The following FBLIM1 variants were observed in gnomAD, a reference collection of about 807,000 sequenced individuals.
FBLIM1 encodes filamin binding LIM protein 1.
A neutral mutation model predicts 37.4 loss-of-function variants in FBLIM1; 29 were observed. That is an observed-to-expected ratio of 0.77 (90% CI 0.58 to 1.06). FBLIM1 has a LOEUF of 1.06. FBLIM1 is among the 50% of genes least tolerant of loss of function. FBLIM1 has a pLI of 0.00. For synonymous variants in FBLIM1, 193 were observed against 199.0 expected (o/e 0.97, Z 0.25); for missense variants, 449 against 505.6 (o/e 0.89, Z 1.07).
intron 1 of FBLIM1, among the ~76,000 whole-genome samples, chr1:15,763,023 C>G (rs901770385): frequency 6.6e-6 from 1 of 151,810 alleles, no homozygotes; most frequent in Non-Finnish European, 1.5e-5. Context: ...GAGGCTGAGG[C>G]TGCCGCAGTT....
chr1:15,762,636 A>T (rs2068728645), intron 1 of FBLIM1, among the ~76,000 whole-genome samples: 1 of 152,186 alleles, frequency 6.6e-6, no homozygotes, highest in Non-Finnish European at 1.5e-5. Flanking sequence ...ACCTCAAGTG[A>T]TCGCCTACCT....
At chr1:15,784,405 G>A (rs971092832) in intron 8 of FBLIM1, 143 bp from the exon 9 acceptor site, 22 of 608,600 alleles carry the variant, frequency 3.6e-5, no homozygotes, top group African/African-American at 9.1e-5. Flanking sequence ...TGGGAGGGCA[G>A]CAGTGAGCAG....
At chr1:15,762,037 C>T (rs2068694378) in intron 1 of FBLIM1, among the ~76,000 whole-genome samples, 1 of 151,930 alleles carries the variant, frequency 6.6e-6, no homozygotes, top group African/African-American at 2.4e-5. Context: ...AAATAATGTC[C>T]TTTTCCTGAC....
At chr1:15,774,952 C>G in intron 7 of FBLIM1, 156 bp downstream of exon 7, 1 of 1,497,628 alleles carries the variant, frequency 6.7e-7, no homozygotes, top group Non-Finnish European at 9.0e-7. Context: ...GGCGCGGTGG[C>G]TCACGCCTGT....
intron 1 of FBLIM1, among the ~76,000 whole-genome samples, 164 bp from the exon 2 acceptor site, chr1:15,764,332 T>G (rs938568226): frequency 9.2e-5 from 14 of 152,208 alleles, no homozygotes; most frequent in Non-Finnish European, 5.9e-5. Flanking sequence ...TATGAGTTAA[T>G]GAGCATAACG....
intron 8 of FBLIM1, among the ~76,000 whole-genome samples, chr1:15,783,446 G>C (rs1006556080): frequency 5.3e-5 from 8 of 151,892 alleles, no homozygotes; most frequent in Non-Finnish European, 1.2e-4. Context: ...CTGGACCTTG[G>C]TATCCCACCT....
Position 15,767,454 on chromosome 1 carries a change from C to T in FBLIM1, c.329C>T (p.Pro110Leu), listed in dbSNP as rs1313266242. ...GACCTCCTCCCACCCCCTCCACCGCCCCCTCCAGTGCTTCTGCCTTCTGAA... is the reference window on the plus strand; with the variant it reads ...GACCTCCTCCCACCCCCTCCACCGCTCCCTCCAGTGCTTCTGCCTTCTGAA... ...DLDLLPPPPP[P>L]PPVLLPSEEE... Residue 110 changes from proline to leucine, a missense_variant, in exon 4 of 9, where the codon CCC becomes CTC. Physicochemically the swap from Pro to Leu is moderately conservative, Grantham distance 98 (BLOSUM62 -3). Transcript: ENST00000375766. The T allele has an allele frequency of 6.3e-7, 1 of 1,575,306 alleles. No individual in the cohort carries two copies. Among genetic ancestry groups the T allele is most frequent in the Middle Eastern group, 1.9e-4 (1 of 5,312 alleles).
Position 15,784,687 on chromosome 1 carries a change from C to T in FBLIM1, c.*26C>T, listed in dbSNP as rs769671656. ...GAGTGCCCGCTGGGCAGTGAACAGA[C>T]CACTAGCCCCGGCTGGGGCCCTTCC... is the stretch of plus-strand genomic sequence containing the variant. On this transcript the variant is annotated 3_prime_UTR_variant, in exon 9 of 9. Coordinates refer to ENST00000375766, the MANE Select transcript of FBLIM1 (RefSeq NM_017556.4). 5.6e-6 allele frequency: 9 copies of T among 1,596,100 alleles called. No homozygotes were observed. The highest frequency in any genetic ancestry group is 3.3e-5 in the South Asian group (3 of 90,548).
chr1:15,769,323 G>A (rs184356892), intron 5 of FBLIM1, among the ~76,000 whole-genome samples: 4 of 151,768 alleles, frequency 2.6e-5, no homozygotes, highest in African/African-American at 9.7e-5. Context: ...CTAAAAATAC[G>A]AAAGTTAGCT....
Position 15,767,544 on chromosome 1 carries a change from C to G in FBLIM1, c.419C>G (p.Pro140Arg), listed in dbSNP as rs777064689. 2.2e-6 allele frequency: 3 copies of G among 1,349,362 alleles called. No homozygotes were observed. Among genetic ancestry groups the G allele is most frequent in the Non-Finnish European group, 3.0e-6 (3 of 1,011,348 alleles). 83.6% of individuals were successfully genotyped at this position (1,349,362 alleles called of 1,614,324 possible). ...GACTTAGAGCAGCTGCACCTGTCCC[C>G]GCCCCCGCCCCCACCACAGGTACTG... ...IADLEQLHLS[P>R]PPPPPQAPAE... Residue 140 changes from proline (P) to arginine (R), a missense_variant, in exon 4 of 9, where the codon CCG (proline) becomes CGG (arginine). By Grantham distance (103) the Pro-to-Arg change is moderately radical. Transcript: ENST00000375766.
In FBLIM1 at chr1:15,774,698, C is replaced by T; in HGVS notation, c.792C>T (p.Pro264=). 6.2e-7 allele frequency: 1 copy of T among 1,614,128 alleles called. No homozygotes were observed. The highest frequency in any genetic ancestry group is 1.1e-5 in the South Asian group (1 of 91,080). ...IIRALGQAFH[P]SCFTCVTCAR... ...GGGCCCTGGGCCAGGCCTTCCACCCCTCCTGCTTCACGTGTGTGACCTGCG... is the reference window on the plus strand; with the variant it reads ...GGGCCCTGGGCCAGGCCTTCCACCCTTCCTGCTTCACGTGTGTGACCTGCG... Residue 264 remains proline, a synonymous_variant, in exon 7 of 9, where the codon CCC becomes CCT. Coordinates refer to ENST00000375766, the MANE Select transcript of FBLIM1 (RefSeq NM_017556.4).
chr1:15,767,857 T>G (rs2069002719), intron 4 of FBLIM1, among the ~76,000 whole-genome samples: 1 of 152,138 alleles, frequency 6.6e-6, no homozygotes, highest in African/African-American at 2.4e-5. Flanking sequence ...CTAAATCCCT[T>G]AGGCTGCATA....
intron 8 of FBLIM1, among the ~76,000 whole-genome samples, chr1:15,777,761 CAG>C (rs935882188): frequency 1.3e-4 from 20 of 151,968 alleles, no homozygotes; most frequent in Non-Finnish European, 5.9e-5. Context: ...TTAGTAGAGA[CAG>C]GGTTTCACCA....
At position 15,779,973 on chromosome 1, in the gene FBLIM1, G is replaced by C. The variant is rs551574170; in HGVS notation, c.1008+2686G>C. On this transcript the variant is annotated intron_variant, in intron 8 of 8. Transcript: ENST00000375766. ...TCACTGTAGCCTTGAACGAACTTTT[G>C]GGCTCAAGCAGTTCTCTCACCTTAG... 8.5e-5 allele frequency among the ~76,000 whole-genome samples: 13 copies of C among 152,116 alleles called. No homozygotes were observed. The South Asian group carries it at 2.7e-3, about 32-fold the overall frequency.
At chr1:15,782,566 G>A (rs1434561895) in intron 8 of FBLIM1, among the ~76,000 whole-genome samples, 2 of 152,036 alleles carry the variant, frequency 1.3e-5, no homozygotes, top group Non-Finnish European at 2.9e-5. Flanking sequence ...TCTTCCAATT[G>A]GTTCTAATTT....
At chr1:15,783,246 C>T (rs781143846) in intron 8 of FBLIM1, among the ~76,000 whole-genome samples, 1 of 152,042 alleles carries the variant, frequency 6.6e-6, no homozygotes, top group Non-Finnish European at 1.5e-5. Context: ...ATTTGGGCCC[C>T]GAGTCCCTGT....
chr1:15,781,064 T>C (rs887094894), intron 8 of FBLIM1, among the ~76,000 whole-genome samples: 5 of 152,044 alleles, frequency 3.3e-5, no homozygotes, highest in Non-Finnish European at 7.4e-5. Context: ...CCAGCAGTTA[T>C]GTGTCAGAAG....
intron 8 of FBLIM1, among the ~76,000 whole-genome samples, chr1:15,778,640 T>C (rs1312606856): frequency 1.9e-4 from 7 of 37,568 alleles, no homozygotes; most frequent in Non-Finnish European, 3.0e-4. Flanking sequence ...TGGAAGCTTC[T>C]TTTTCTTTTT....
chr1:15,777,482 C>T (rs1335813543), intron 8 of FBLIM1, among the ~76,000 whole-genome samples, 195 bp downstream of exon 8: 4 of 151,914 alleles, frequency 2.6e-5, no homozygotes, highest in Non-Finnish European at 5.9e-5. Flanking sequence ...AGAAACCGGA[C>T]TCAAGTTGCA....
Sources: allele counts gnomAD v4.1 joint callset (sites outside exome capture counted in the v4.1 genomes callset), GRCh38; gene constraint gnomAD v4.1.1; transcripts MANE v1.5; gene names NCBI Gene and HGNC (gene_info 2026-07-23, HGNC 2026-07-21).